Variants in SYNPR observed in about 807,000 individuals in gnomAD.
SYNPR encodes the protein synaptoporin.
A neutral mutation model predicts 32.9 loss-of-function variants in SYNPR; 23 were observed. The observed-to-expected ratio is 0.70, with a 90% confidence interval of 0.50 to 0.99. SYNPR has a LOEUF of 0.99. Ranked by LOEUF, SYNPR falls within the 50% of genes least tolerant of loss-of-function variation. The pLI, the probability that SYNPR is intolerant of heterozygous loss-of-function variation, is 0.00. For synonymous variants in SYNPR, 146 were observed against 135.9 expected, an observed-to-expected ratio of 1.07 and a Z score of -0.52; for missense variants, 318 against 349.3, an observed-to-expected ratio of 0.91 and a Z score of 0.71.
At chr3:63,220,256 A>G in the SYNPR span, among the ~76,000 whole-genome samples, 1 of 152,242 alleles carries the variant, frequency 6.6e-6, no homozygotes, top group African/African-American at 2.4e-5. Context: ...AGAAAGAAAA[A>G]CAGTCAACAA....
chr3:63,554,536 T>C (rs1045664507), intron 3 of SYNPR, among the ~76,000 whole-genome samples: 5 of 152,188 alleles, frequency 3.3e-5, no homozygotes, highest in African/African-American at 1.2e-4. Context: ...ATGGTTTTAT[T>C]TCTGAGTTTT....
At chr3:63,497,632 G>A (rs1038328154) in intron 3 of SYNPR, among the ~76,000 whole-genome samples, 6 of 150,802 alleles carry the variant, frequency 4.0e-5, no homozygotes, top group Non-Finnish European at 7.4e-5. Context: ...TTACTACTCT[G>A]ATTACCATGG....
chr3:63,422,407 C>A (rs547557888), intron 2 of SYNPR, among the ~76,000 whole-genome samples: 1 of 151,978 alleles, frequency 6.6e-6, no homozygotes, highest in Non-Finnish European at 1.5e-5. Context: ...ACGTCTACAG[C>A]GCATTGAGTG....
chr3:63,221,279 A>T, the SYNPR span, among the ~76,000 whole-genome samples: 1 of 152,132 alleles, frequency 6.6e-6, no homozygotes, highest in Non-Finnish European at 1.5e-5. Flanking sequence ...TCACCTAGGG[A>T]AAGAATATAT....
intron 4 of SYNPR, among the ~76,000 whole-genome samples, chr3:63,574,018 G>A (rs1702936439): frequency 6.6e-6 from 1 of 152,136 alleles, no homozygotes; most frequent in Non-Finnish European, 1.5e-5. Context: ...TTTCCCTGCT[G>A]TGGATGATGG....
At chr3:63,245,710 A>AGTGTGT (rs1159947180) in intron 1 of SYNPR, among the ~76,000 whole-genome samples, 3 of 44,208 alleles carry the variant, frequency 6.8e-5, no homozygotes, top group East Asian at 4.4e-4. Context: ...AGAGAGAGAG[A>AGTGTGT]GTGTGTGTGT....
chr3:63,257,763 C>T (rs942032586), intron 2 of SYNPR, among the ~76,000 whole-genome samples: 8 of 152,262 alleles, frequency 5.3e-5, no homozygotes, highest in African/African-American at 1.9e-4. Flanking sequence ...AATTAAAAGA[C>T]ACAGACTGGT....
At chr3:63,447,700 C>T (rs1236378077) in intron 2 of SYNPR, among the ~76,000 whole-genome samples, 3 of 151,432 alleles carry the variant, frequency 2.0e-5, no homozygotes, top group Non-Finnish European at 2.9e-5. Context: ...AGTCTCTCCA[C>T]TCTGCAGACT....
intron 4 of SYNPR, among the ~76,000 whole-genome samples, chr3:63,606,422 T>TTTTTTTTTTTTTTTTTTTTTTTTTTTTA (rs1700122181): frequency 7.7e-6 from 1 of 129,510 alleles, no homozygotes. Context: ...CCTTTCTTTT[T>TTTTTTTTTTTTTTTTTTTTTTTTTTTTA]TTTTTTTTTT....
chr3:63,465,650 T>C (rs1371904505), intron 2 of SYNPR, among the ~76,000 whole-genome samples: 2 of 152,194 alleles, frequency 1.3e-5, no homozygotes, highest in African/African-American at 4.8e-5. Flanking sequence ...GTTCCTTTTA[T>C]ACTGTCATCC....
At chr3:63,457,571 A>G (rs116206439) in intron 2 of SYNPR, among the ~76,000 whole-genome samples, 1,920 of 152,202 alleles carry the variant, frequency 0.013, 54 homozygotes, top group African/African-American at 0.042. Context: ...ACACCTAACA[A>G]ACTGATTTTA....
At chr3:63,552,969 T>C (rs1237697288) in intron 3 of SYNPR, among the ~76,000 whole-genome samples, 1 of 152,206 alleles carries the variant, frequency 6.6e-6, no homozygotes, top group Non-Finnish European at 1.5e-5. Flanking sequence ...CTGTTGGTTT[T>C]TTTTTCTATT....
chr3:63,375,736 A>G (rs2087881408), intron 2 of SYNPR, among the ~76,000 whole-genome samples: 1 of 151,790 alleles, frequency 6.6e-6, no homozygotes, highest in Admixed American at 6.6e-5. Flanking sequence ...AATAATAATA[A>G]TTAGTATAGT....
intron 2 of SYNPR, among the ~76,000 whole-genome samples, chr3:63,387,320 C>A (rs1261445448): frequency 6.6e-6 from 1 of 152,098 alleles, no homozygotes; most frequent in East Asian, 1.9e-4. Flanking sequence ...CAGAATTCCA[C>A]AATGTTTAGA....
chr3:63,384,529 C>T (rs2088016990), intron 2 of SYNPR, among the ~76,000 whole-genome samples: 2 of 152,188 alleles, frequency 1.3e-5, no homozygotes, highest in African/African-American at 2.4e-5. Flanking sequence ...CTTATAATTC[C>T]CTAACCATGG....
chr3:63,316,652 T>C (rs1575596166), intron 2 of SYNPR, among the ~76,000 whole-genome samples: 1 of 152,112 alleles, frequency 6.6e-6, no homozygotes, highest in South Asian at 2.1e-4. Context: ...TTGCTAATGG[T>C]CTATCAATTT....
intron 3 of SYNPR, among the ~76,000 whole-genome samples, chr3:63,545,848 C>G (rs191110796): frequency 5.9e-5 from 9 of 152,156 alleles, no homozygotes; most frequent in African/African-American, 1.9e-4. Context: ...AAATTCTAAA[C>G]AAAAGGTCAG....
chr3:63,209,465 G>A, the SYNPR span, among the ~76,000 whole-genome samples: 1 of 152,092 alleles, frequency 6.6e-6, no homozygotes, highest in African/African-American at 2.4e-5. Flanking sequence ...AAGATTTTCT[G>A]AACAGTCTGG....
intron 3 of SYNPR, among the ~76,000 whole-genome samples, chr3:63,520,232 C>A (rs1432778147): frequency 2.6e-5 from 4 of 152,170 alleles, no homozygotes; most frequent in Admixed American, 6.5e-5. Flanking sequence ...AACAATGCTG[C>A]AATGATATAT....
Sources: gnomAD v4.1 joint callset for allele counts (sites outside exome capture counted in the v4.1 genomes callset) on GRCh38, gnomAD v4.1.1 for gene constraint, MANE v1.5 for transcripts, NCBI Gene and HGNC (gene_info 2026-07-23, HGNC 2026-07-21) for gene names.